SPECC1: variants seen among roughly 807,000 people sequenced by gnomAD.
The protein encoded by SPECC1 is cytospin-B.
SPECC1 carries 62 observed loss-of-function variants against 104.1 expected under a neutral mutation model. The observed-to-expected ratio is 0.60, with a 90% CI of 0.49 to 0.74. The LOEUF is 0.74. SPECC1 is among the 30% of genes least tolerant of loss of function. SPECC1 has a pLI of 0.00. For synonymous variants in SPECC1, 513 were observed against 501.6 expected, an observed-to-expected ratio of 1.02 and a Z score of -0.30; for missense variants, 1,306 against 1,310.5, an observed-to-expected ratio of 1.00 and a Z score of 0.05.
rs532224257 is a variant in SPECC1 at position 20,314,995 on chromosome 17, G to T, written c.*930G>T. 11 of 232,916 alleles carry T rather than the reference G, an allele frequency of 4.7e-5. No individual in the cohort carries two copies. The highest frequency in any genetic ancestry group is 5.1e-5 in the Non-Finnish European group (6 of 117,856). 14.4% of individuals were successfully genotyped at this position (232,916 alleles called of 1,614,324 possible). A position where few individuals can be genotyped will look rare whatever the true frequency, so the allele number is the denominator to read the frequency against. ...AGCAGCTCGCGGCTTTCACAGTAGGGAAACCGCAGTCCTCGTCACCTGCGC... is the reference window on the plus strand; with the variant it reads ...AGCAGCTCGCGGCTTTCACAGTAGGTAAACCGCAGTCCTCGTCACCTGCGC... On this transcript the variant is annotated 3_prime_UTR_variant, in exon 15 of 15. Coordinates refer to ENST00000395527, the MANE Select transcript of SPECC1 (RefSeq NM_001243439.2).
Position 20,317,858 on chromosome 17 carries a change from C to T in SPECC1, c.*3793C>T. On this transcript the variant is annotated 3_prime_UTR_variant, in exon 15 of 15. Coordinates refer to ENST00000395527, the MANE Select transcript of SPECC1 (RefSeq NM_001243439.2). The stretch of plus-strand genomic sequence containing the variant: ...CTAGCACAGCAGCTAGTAGGGCTCC[C>T]CCAAGCCATCCGCTGGCGTGTGGAG... The T allele has an allele frequency of 4.4e-6, 1 of 226,100 alleles. No individual in the cohort carries two copies. The highest frequency in any genetic ancestry group is 1.8e-4 in the South Asian group (1 of 5,458). 14.0% of individuals were successfully genotyped at this position (226,100 alleles called of 1,614,324 possible).
At chr17:20,284,941 A>C (rs1021943761) in intron 12 of SPECC1, among the ~76,000 whole-genome samples, 23 of 152,154 alleles carry the variant, frequency 1.5e-4, no homozygotes, top group Admixed American at 1.1e-3. Context: ...CAGTTAGTGT[A>C]CACAGAGTCA....
intron 1 of SPECC1, among the ~76,000 whole-genome samples, chr17:20,085,164 G>A (rs2047128370): frequency 6.6e-6 from 1 of 152,212 alleles, no homozygotes; most frequent in Non-Finnish European, 1.5e-5. Flanking sequence ...GGGTCAAAGT[G>A]CAAGACAGCT....
At chr17:20,167,399 C>T (rs1457386599) in intron 3 of SPECC1, among the ~76,000 whole-genome samples, 1 of 152,022 alleles carries the variant, frequency 6.6e-6, no homozygotes, top group Non-Finnish European at 1.5e-5. Flanking sequence ...TAGCTCCCAG[C>T]TGGGCGCAGT....
chr17:20,104,453 C>T (rs1004605507), intron 2 of SPECC1, among the ~76,000 whole-genome samples: 1 of 152,036 alleles, frequency 6.6e-6, no homozygotes, highest in Non-Finnish European at 1.5e-5. Flanking sequence ...TTCAAATTCT[C>T]TTTTGTTGGC....
intron 3 of SPECC1, among the ~76,000 whole-genome samples, chr17:20,197,846 A>G (rs530230729): frequency 6.3e-4 from 96 of 152,348 alleles, no homozygotes; most frequent in Non-Finnish European, 1.1e-3. Flanking sequence ...AAAGAAATTC[A>G]TAGCACAAAA....
chr17:20,298,693 G>A (rs1284542377), intron 13 of SPECC1, among the ~76,000 whole-genome samples: 1 of 152,098 alleles, frequency 6.6e-6, no homozygotes, highest in African/African-American at 2.4e-5. Flanking sequence ...GTGACAGATT[G>A]GTTGTAGGGG....
chr17:20,286,287 A>G (rs1158749889), intron 12 of SPECC1, among the ~76,000 whole-genome samples: 1 of 152,196 alleles, frequency 6.6e-6, no homozygotes, highest in Non-Finnish European at 1.5e-5. Flanking sequence ...TATCAAGGAA[A>G]ATACCAGAAG....
At chr17:20,127,437 C>CTTTTTTTTTTTTTTTTTTTTTTTTTTTT (rs369424296) in intron 3 of SPECC1, among the ~76,000 whole-genome samples, 1 of 104,488 alleles carries the variant, frequency 9.6e-6, no homozygotes, top group Non-Finnish European at 1.9e-5. Flanking sequence ...ATCAGGTCAT[C>CTTTTTTTTTTTTTTTTTTTTTTTTTTTT]TTTTTTTTTT....
intron 4 of SPECC1, among the ~76,000 whole-genome samples, chr17:20,210,070 G>C (rs1189800460): frequency 6.6e-6 from 1 of 152,116 alleles, no homozygotes; most frequent in Non-Finnish European, 1.5e-5. Flanking sequence ...GCTTGTGTGG[G>C]TCCTAGAGCC....
intron 1 of SPECC1, among the ~76,000 whole-genome samples, chr17:20,038,020 A>G (rs1482129593): frequency 1.3e-5 from 2 of 152,108 alleles, no homozygotes; most frequent in Admixed American, 1.3e-4. Context: ...TAATTAGTCC[A>G]TTTCATCTAC....
chr17:20,098,781 T>C (rs2047777699), intron 2 of SPECC1, among the ~76,000 whole-genome samples: 1 of 152,250 alleles, frequency 6.6e-6, no homozygotes, highest in African/African-American at 2.4e-5. Context: ...TTCTCTGCTC[T>C]TGATGCCATT....
In SPECC1 at chr17:20,038,403, CTT is replaced by C. The variant is rs10718870; in HGVS notation, c.-22+28998_-22+28999del. On this transcript the variant is annotated intron_variant, in intron 1 of 14. Coordinates refer to ENST00000395527, the MANE Select transcript of SPECC1 (RefSeq NM_001243439.2). ...ACTATGTCCCACAAATTTTGATATT[CTT>C]TTTTTTTTTTTTTTTTTTGAGGCAG... 1.1e-3 allele frequency among the ~76,000 whole-genome samples: 111 copies of C among 99,320 alleles called. 1 individual carries two copies. Among genetic ancestry groups the C allele is most frequent in the South Asian group, 3.6e-3 (10 of 2,760 alleles). The allele number at this position is 99,320 out of a possible 152,430, so 65.2% of individuals were successfully genotyped here.
chr17:20,194,838 A>G (rs2035925714), intron 3 of SPECC1, among the ~76,000 whole-genome samples: 1 of 152,148 alleles, frequency 6.6e-6, no homozygotes, highest in East Asian at 1.9e-4. Flanking sequence ...TTTGCAAATA[A>G]CTATTTTGCT....
intron 3 of SPECC1, among the ~76,000 whole-genome samples, chr17:20,193,646 A>G (rs866869074): frequency 2.0e-5 from 3 of 152,348 alleles, no homozygotes; most frequent in African/African-American, 7.2e-5. Context: ...AAGATGAATA[A>G]GAGTTTAAGA....
At chr17:20,129,163 C>G (rs2049471219) in intron 3 of SPECC1, among the ~76,000 whole-genome samples, 1 of 151,114 alleles carries the variant, frequency 6.6e-6, no homozygotes, top group South Asian at 2.1e-4. Flanking sequence ...GTGTGAGCCA[C>G]TGTGCCTGGC....
chr17:20,126,209 C>T (rs987038953), intron 3 of SPECC1, among the ~76,000 whole-genome samples: 1 of 152,096 alleles, frequency 6.6e-6, no homozygotes, highest in Non-Finnish European at 1.5e-5. Flanking sequence ...CTTCCCTGCT[C>T]TCCTCTCCTC....
intron 3 of SPECC1, among the ~76,000 whole-genome samples, chr17:20,144,735 G>C (rs555055837): frequency 1.3e-5 from 2 of 152,290 alleles, no homozygotes; most frequent in Non-Finnish European, 2.9e-5. Context: ...CTCCCAAATA[G>C]CTGGGGCTAC....
At chr17:20,267,891 C>T (rs2040270964) in intron 12 of SPECC1, among the ~76,000 whole-genome samples, 2 of 152,218 alleles carry the variant, frequency 1.3e-5, no homozygotes, top group African/African-American at 4.8e-5. Flanking sequence ...TTCTGCTTTC[C>T]CTCAGCTGGG....
Sources: gnomAD v4.1 joint callset for allele counts (sites outside exome capture counted in the v4.1 genomes callset) on GRCh38, gnomAD v4.1.1 for gene constraint, MANE v1.5 for transcripts, NCBI Gene and HGNC (gene_info 2026-07-23, HGNC 2026-07-21) for gene names.